PBRM1: variants seen among roughly 807,000 people sequenced by gnomAD.
PBRM1 encodes the protein protein polybromo-1.
A neutral mutation model predicts 194.5 loss-of-function variants in PBRM1; 27 were observed. That is an observed-to-expected ratio of 0.14 (90% CI 0.10 to 0.19). PBRM1 has a LOEUF of 0.19. Ranked by LOEUF, PBRM1 falls within the 10% of genes least tolerant of loss-of-function variation. The pLI is 1.00. For missense variants in PBRM1, 1,466 were observed against 2,077.2 expected, an observed-to-expected ratio of 0.71 and a Z score of 5.72; for synonymous variants, 655 against 693.2, an observed-to-expected ratio of 0.94 and a Z score of 0.87.
chr3:52,565,330 A>C (rs2084828644), intron 22 of PBRM1, among the ~76,000 whole-genome samples: 1 of 151,756 alleles, frequency 6.6e-6, no homozygotes, highest in Admixed American at 6.6e-5. Context: ...ACATGGTGAA[A>C]CCTCGTCTCT....
At chr3:52,626,248 T>C (rs1430172526) in intron 13 of PBRM1, among the ~76,000 whole-genome samples, 1 of 152,206 alleles carries the variant, frequency 6.6e-6, no homozygotes, top group African/African-American at 2.4e-5. Flanking sequence ...AGGATGAAAT[T>C]CATAGGCCAG....
chr3:52,641,916 C>T (rs1221588484), intron 10 of PBRM1, 38 bp downstream of exon 11: 1 of 1,186,158 alleles, frequency 8.4e-7, no homozygotes, highest in Non-Finnish European at 1.3e-6. Flanking sequence ...GAAGGATCCA[C>T]TAAGAAGGCA....
intron 10 of PBRM1, 87 bp from the exon 12 acceptor site, chr3:52,634,902 T>C (rs1008423918): frequency 3.3e-5 from 29 of 882,418 alleles, no homozygotes; most frequent in South Asian, 1.9e-4. Context: ...ACCTTCCAGA[T>C]TGAACTAAAT....
At chr3:52,594,173 T>C (rs779167532) in intron 17 of PBRM1, among the ~76,000 whole-genome samples, 14 of 152,332 alleles carry the variant, frequency 9.2e-5, no homozygotes, top group Middle Eastern at 3.4e-3. Context: ...TGAGCCACTA[T>C]ACCCAGGCCT....
intron 16 of PBRM1, among the ~76,000 whole-genome samples, chr3:52,607,182 A>G (rs542333161): frequency 6.6e-6 from 1 of 152,352 alleles, no homozygotes; most frequent in East Asian, 1.9e-4. Context: ...CATCTCCATC[A>G]ATTCTTATTA....
chr3:52,610,118 T>A (rs1169171068), intron 15 of PBRM1, among the ~76,000 whole-genome samples, 163 bp from the exon 18 acceptor site: 3 of 152,090 alleles, frequency 2.0e-5, no homozygotes, highest in African/African-American at 7.2e-5. Flanking sequence ...TACTAAAAAT[T>A]TTTTTTAACT....
chr3:52,674,921 T>C (rs906417586), intron 2 of PBRM1, among the ~76,000 whole-genome samples: 16 of 150,130 alleles, frequency 1.1e-4, no homozygotes, highest in African/African-American at 3.7e-4. Context: ...TGAACTGTGA[T>C]TGCCACTGCA....
chr3:52,625,608 CTT>C (rs548465371), intron 13 of PBRM1, among the ~76,000 whole-genome samples: 11 of 145,672 alleles, frequency 7.6e-5, no homozygotes, highest in South Asian at 4.3e-4. Context: ...GAGTTTTGCT[CTT>C]GTCACCCAGG....
intron 10 of PBRM1, among the ~76,000 whole-genome samples, chr3:52,638,707 C>T (rs1049593484): frequency 6.6e-6 from 1 of 151,884 alleles, no homozygotes; most frequent in Non-Finnish European, 1.5e-5. Flanking sequence ...AATCCTCCTG[C>T]CTTAGCCTAC....
intron 6 of PBRM1, among the ~76,000 whole-genome samples, chr3:52,648,699 G>A (rs936114758): frequency 6.6e-6 from 1 of 152,164 alleles, no homozygotes; most frequent in African/African-American, 2.4e-5. Flanking sequence ...TTTTTAAAAA[G>A]TCAAATAAGG....
intron 25 of PBRM1, among the ~76,000 whole-genome samples, chr3:52,558,616 G>T (rs1201401014): frequency 6.6e-6 from 1 of 152,140 alleles, no homozygotes; most frequent in Non-Finnish European, 1.5e-5. Flanking sequence ...CCCATCTTGA[G>T]AACTGGTCTG....
chr3:52,563,487 T>C (rs750734850), exon 24 of PBRM1: 1 of 1,613,366 alleles, frequency 6.2e-7, no homozygotes, highest in African/African-American at 1.3e-5. Context: ...GAGGAACAAT[T>C]GGTTTTCTGA....
At chr3:52,632,316 G>C (rs990008478) in intron 11 of PBRM1, among the ~76,000 whole-genome samples, 6 of 152,150 alleles carry the variant, frequency 3.9e-5, no homozygotes. Context: ...GGGTATGGTG[G>C]CTCACACCTG....
At chr3:52,603,560 T>C in exon 17 of PBRM1, 1 of 1,603,576 alleles carries the variant, frequency 6.2e-7, no homozygotes, top group East Asian at 2.2e-5. Context: ...TCTTCCTCTA[T>C]TTCTTTTGGC....
chr3:52,558,412 C>G, exon 26 of PBRM1: 2 of 1,532,926 alleles, frequency 1.3e-6, no homozygotes, highest in South Asian at 2.4e-5. Flanking sequence ...TAGCTGCCCG[C>G]TCTGTAAAGG....
At chr3:52,563,746 G>A (rs1439593180) in intron 23 of PBRM1, among the ~76,000 whole-genome samples, 1 of 150,636 alleles carries the variant, frequency 6.6e-6, no homozygotes, top group Non-Finnish European at 1.5e-5. Flanking sequence ...CCTATACACA[G>A]CAAAAAGAGT....
chr3:52,559,846 T>TA (rs34203062), intron 25 of PBRM1, among the ~76,000 whole-genome samples: 49,423 of 124,990 alleles, frequency 0.4, 9,622 homozygotes, highest in Middle Eastern at 0.52. Flanking sequence ...GAGCTAGCAG[T>TA]AAAAAAAAAA....
Position 52,589,079 on chromosome 3 carries a change from C to A in PBRM1, c.2956G>T (p.Asp986Tyr), listed in dbSNP as rs2153805204. Residue 986 changes from aspartate (D) to tyrosine (Y), a missense_variant, in exon 18 of 30, where the codon GAT becomes TAT. Around this residue, in one of 5 missense-constraint regions of PBRM1, gnomAD observed 687 missense variants for 946.2 expected, o/e 0.73. Coordinates refer to ENST00000296302, the Ensembl canonical transcript of PBRM1. ...TTTAAAACAAACTTACCAGCTGAAT[C>A]CTCCCACAGTCTTTCAATACAGACG... 1.2e-6 allele frequency: 2 copies of A among 1,612,786 alleles called. 1 individual carries two copies. The highest frequency in any genetic ancestry group is 3.3e-4 in the Middle Eastern group (2 of 6,060).
exon 24 of PBRM1, chr3:52,563,326 G>T (rs1171303700): frequency 6.2e-7 from 1 of 1,614,016 alleles, no homozygotes; most frequent in South Asian, 1.1e-5. Context: ...ACTGGCCAGG[G>T]GGGTCTGAAG....
Sources: allele counts gnomAD v4.1 joint callset (sites outside exome capture counted in the v4.1 genomes callset), GRCh38; gene constraint gnomAD v4.1.1; regional missense constraint gnomAD v4.1.1; transcripts MANE v1.5; gene names NCBI Gene and HGNC (gene_info 2026-07-23, HGNC 2026-07-21).